The following ANXA4 variants were observed in gnomAD, a reference collection of about 807,000 sequenced individuals.
ANXA4 encodes annexin A4.
ANXA4 carries 39 observed loss-of-function variants against 49.8 expected under a neutral mutation model. That is an observed-to-expected ratio of 0.78 (90% CI 0.61 to 1.02). The LOEUF (loss-of-function observed/expected upper bound fraction) is 1.02, where lower values mean the gene tolerates loss of function less well. Ranked by LOEUF, ANXA4 falls within the 50% of genes least tolerant of loss-of-function variation. The probability of loss-of-function intolerance (pLI) is 0.00; values close to 1 mark genes in which losing one functional copy is unlikely to be tolerated. For synonymous variants in ANXA4, 134 were observed against 152.5 expected, an observed-to-expected ratio of 0.88 and a Z score of 0.89; for missense variants, 360 against 410.1, an observed-to-expected ratio of 0.88 and a Z score of 1.05.
chr2:69,795,887 TAG>T (rs1308339989), intron 3 of ANXA4, among the ~76,000 whole-genome samples: 1 of 152,136 alleles, frequency 6.6e-6, no homozygotes, highest in Non-Finnish European at 1.5e-5. Flanking sequence ...AATATTGGGT[TAG>T]AGTCTTTCCT....
intron 1 of ANXA4, among the ~76,000 whole-genome samples, chr2:69,777,196 C>A (rs2168116): frequency 0.36 from 54,435 of 151,944 alleles, 11,063 homozygotes; most frequent in East Asian, 0.51. Context: ...AGCTCTTCAA[C>A]CCCTCCACTC....
chr2:69,691,315 G>T (rs1490759178), intron 2 of ANXA4, among the ~76,000 whole-genome samples: 1 of 151,616 alleles, frequency 6.6e-6, no homozygotes, highest in Non-Finnish European at 1.5e-5. Flanking sequence ...GTAGAGACGG[G>T]GTTTCACCAT....
At chr2:69,762,316 C>G (rs1184542893) in intron 1 of ANXA4, among the ~76,000 whole-genome samples, 2 of 151,670 alleles carry the variant, frequency 1.3e-5, no homozygotes, top group Non-Finnish European at 2.9e-5. Context: ...ACCCTAAAAG[C>G]TGGAGGCTGC....
chr2:69,782,849 T>C (rs1672257476), intron 2 of ANXA4, among the ~76,000 whole-genome samples: 1 of 151,896 alleles, frequency 6.6e-6, no homozygotes, highest in Admixed American at 6.6e-5. Context: ...GCTCTCATCT[T>C]TCCTCCTAAA....
intron 2 of ANXA4, among the ~76,000 whole-genome samples, chr2:69,688,186 T>C (rs1272485720): frequency 2.0e-5 from 3 of 152,242 alleles, no homozygotes; most frequent in Non-Finnish European, 4.4e-5. Context: ...TTATTTGTCA[T>C]ATAGAATTTC....
intron 2 of ANXA4, among the ~76,000 whole-genome samples, chr2:69,696,665 A>G (rs1374316008): frequency 2.6e-5 from 4 of 152,218 alleles, no homozygotes; most frequent in African/African-American, 7.2e-5. Flanking sequence ...CTTAAATAAC[A>G]AGACTTGAAA....
intron 3 of ANXA4, 25 bp downstream of exon 3, chr2:69,788,166 C>T (rs1672495060): frequency 1.3e-6 from 2 of 1,596,046 alleles, no homozygotes; most frequent in Non-Finnish European, 1.7e-6. Flanking sequence ...GGAAGTGAAT[C>T]CTCCTGCGTG....
intron 3 of ANXA4, among the ~76,000 whole-genome samples, chr2:69,790,515 A>T (rs775293754): frequency 6.6e-6 from 1 of 152,216 alleles, no homozygotes; most frequent in Non-Finnish European, 1.5e-5. Context: ...ACTATTATTA[A>T]TGGGGGCACT....
intron 2 of ANXA4, among the ~76,000 whole-genome samples, chr2:69,710,811 C>T (rs544270511): frequency 6.6e-6 from 1 of 152,240 alleles, no homozygotes; most frequent in South Asian, 2.1e-4. Context: ...AAAGTGTTAG[C>T]AATGATATGG....
In ANXA4 at chr2:69,825,518, TAA is replaced by T; in HGVS notation, c.*7_*8del. 6.2e-7 allele frequency: 1 copy of T among 1,606,530 alleles called. No homozygotes were observed. Among genetic ancestry groups the T allele is most frequent in the Non-Finnish European group, 8.5e-7 (1 of 1,177,116 alleles). ...TTCTCTGTGGAGGAGATGATTAAAA[TAA>T]AAATCCCAGAAGGACAGGAGGATTC... On this transcript the variant is annotated 3_prime_UTR_variant, in exon 13 of 13. Transcript: ENST00000394295.
At chr2:69,787,450 T>G (rs933596044) in intron 2 of ANXA4, among the ~76,000 whole-genome samples, 1 of 152,256 alleles carries the variant, frequency 6.6e-6, no homozygotes, top group Non-Finnish European at 1.5e-5. Flanking sequence ...TTTTGCTGAC[T>G]GCAACCCTTT....
At chr2:69,652,243 T>C (rs1055099123) in intron 1 of ANXA4, among the ~76,000 whole-genome samples, 1 of 151,648 alleles carries the variant, frequency 6.6e-6, no homozygotes, top group Non-Finnish European at 1.5e-5. Context: ...TCACCTCAAA[T>C]GATCCACTCG....
intron 1 of ANXA4, among the ~76,000 whole-genome samples, chr2:69,757,747 G>T (rs1170628887): frequency 1.3e-5 from 2 of 151,360 alleles, no homozygotes; most frequent in African/African-American, 4.8e-5. Context: ...TCACGAGGTC[G>T]AGAGATTGAG....
At chr2:69,772,554 C>A (rs1671768578) in intron 1 of ANXA4, among the ~76,000 whole-genome samples, 1 of 152,212 alleles carries the variant, frequency 6.6e-6, no homozygotes, top group African/African-American at 2.4e-5. Context: ...GGGTGCATTT[C>A]TTTCCTCTTT....
chr2:69,722,660 G>C (rs1294242322), intron 3 of ANXA4, among the ~76,000 whole-genome samples: 1 of 152,094 alleles, frequency 6.6e-6, no homozygotes, highest in Non-Finnish European at 1.5e-5. Context: ...CAGACTTTCT[G>C]TTGGGGGTGA....
At chr2:69,683,556 G>A (rs1677671488) in intron 2 of ANXA4, among the ~76,000 whole-genome samples, 1 of 152,144 alleles carries the variant, frequency 6.6e-6, no homozygotes, top group African/African-American at 2.4e-5. Flanking sequence ...AGAAACCAAA[G>A]AGGAACGATA....
At chr2:69,776,498 C>T (rs1012812688) in intron 1 of ANXA4, among the ~76,000 whole-genome samples, 1 of 152,128 alleles carries the variant, frequency 6.6e-6, no homozygotes, top group Non-Finnish European at 1.5e-5. Flanking sequence ...CTTCTAGCAC[C>T]AGATGTGATG....
chr2:69,761,777 A>T (rs1338843512), intron 1 of ANXA4, among the ~76,000 whole-genome samples: 2 of 27,310 alleles, frequency 7.3e-5, no homozygotes, highest in African/African-American at 3.0e-4. Context: ...ATGCTGTCTT[A>T]AAAAAAAAAA....
intron 2 of ANXA4, among the ~76,000 whole-genome samples, chr2:69,671,702 G>A (rs563767473): frequency 2.6e-5 from 4 of 152,250 alleles, no homozygotes; most frequent in African/African-American, 4.8e-5. Flanking sequence ...CTGCCTGGGC[G>A]ATATAATGAG....
Sources: gnomAD v4.1 joint callset for allele counts (sites outside exome capture counted in the v4.1 genomes callset) on GRCh38, gnomAD v4.1.1 for gene constraint, MANE v1.5 for transcripts, NCBI Gene and HGNC (gene_info 2026-07-23, HGNC 2026-07-21) for gene names.